Variants in DST observed in about 807,000 individuals in gnomAD.
The protein encoded by DST is dystonin.
In DST, 253 loss-of-function variants were observed where a neutral mutation model predicts 875.2. The ratio of observed to expected loss-of-function variants is 0.29; its 90% confidence interval spans 0.26 to 0.32. The LOEUF is 0.32. Ranked by LOEUF, DST falls within the 10% of genes least tolerant of loss-of-function variation. The pLI is 1.00. For synonymous variants in DST, 3,124 were observed against 3,197.1 expected, an observed-to-expected ratio of 0.98 and a Z score of 0.77; for missense variants, 8,287 against 9,111.6, an observed-to-expected ratio of 0.91 and a Z score of 3.68.
intron 10 of DST, among the ~76,000 whole-genome samples, chr6:56,668,712 G>A (rs1027461110): frequency 6.6e-6 from 1 of 152,026 alleles, no homozygotes; most frequent in Non-Finnish European, 1.5e-5. Flanking sequence ...AGGTTGCAGT[G>A]AGCTGAGATC....
chr6:56,895,129 C>T (rs1592191507), intron 3 of DST, among the ~76,000 whole-genome samples: 1 of 86,914 alleles, frequency 1.2e-5, no homozygotes, highest in East Asian at 3.3e-4. Flanking sequence ...CCTCACCTCC[C>T]GGACGGGGAG....
intron 84 of DST, 65 bp downstream of exon 84, chr6:56,492,869 T>TC: frequency 2.9e-6 from 3 of 1,041,480 alleles, no homozygotes; most frequent in Non-Finnish European, 3.9e-6. Context: ...AGACTCAGTC[T>TC]CAAAAAAAAA....
At chr6:56,643,921 A>G (rs1013609713) in intron 15 of DST, among the ~76,000 whole-genome samples, 1 of 152,250 alleles carries the variant, frequency 6.6e-6, no homozygotes, top group African/African-American at 2.4e-5. Flanking sequence ...TTTTAGATAC[A>G]TAACTCATCT....
chr6:56,580,638 G>C lies in DST; in HGVS notation c.12904-1701C>G, dbSNP rs560902979. Among the ~76,000 whole-genome samples the C allele has an allele frequency of 1.3e-3, 191 of 151,536 alleles. 2 individuals are homozygous for C. The South Asian group carries it at 0.018, about 14-fold the overall frequency. On this transcript the variant is annotated intron_variant, in intron 49 of 103. Transcript: ENST00000680361. ...AATGTTCTAGTAGACAGCACTGCTG[G>C]AGAGGGCAGGAACAAAGGACAAGAG... is the stretch of plus-strand genomic sequence containing the variant.
At chr6:56,816,117 A>C in intron 4 of DST, among the ~76,000 whole-genome samples, 1 of 152,164 alleles carries the variant, frequency 6.6e-6, no homozygotes, top group East Asian at 1.9e-4. Flanking sequence ...GGGTAGAAAA[A>C]TAAACACCCT....
chr6:56,615,791 T>G, intron 36 of DST: 1 of 1,614,206 alleles, frequency 6.2e-7, no homozygotes, highest in Non-Finnish European at 8.5e-7. Flanking sequence ...TGTCAAGTAC[T>G]GAAATTCCAA....
At chr6:56,511,854 C>T (rs532853741) in intron 72 of DST, among the ~76,000 whole-genome samples, 11 of 150,522 alleles carry the variant, frequency 7.3e-5, no homozygotes, top group Middle Eastern at 6.8e-3. Context: ...AGAGACAAGA[C>T]GGGGGGAAGG....
At position 56,471,249 on chromosome 6, in the gene DST, A is replaced by C; in HGVS notation, c.22178T>G (p.Phe7393Cys). Residue 7393 changes from phenylalanine (F) to cysteine (C), a missense_variant, in exon 95 of 104, where the codon TTT becomes TGT. Physicochemically the swap from Phe to Cys is radical, Grantham distance 205. This residue lies in a region of DST where 1,292 missense variants were observed against 1,552.7 expected (regional missense o/e 0.83). Coordinates refer to ENST00000680361, the MANE Select transcript of DST (RefSeq NM_001374736.1). ...TTTTTTGCGCCAGATATCAAAATCA[A>C]AGTTAGCAAATTCCCTCAGCTAAAA... is the stretch of plus-strand genomic sequence containing the variant. ...RLEELREFAN[F>C]DFDIWRKKYM... is the part of the protein sequence containing the mutation. The C allele has an allele frequency of 6.3e-7, 1 of 1,589,576 alleles. No individual in the cohort carries two copies. Among genetic ancestry groups the C allele is most frequent in the Non-Finnish European group, 8.6e-7 (1 of 1,166,688 alleles).
At chr6:56,739,021 T>C (rs2099536797) in intron 4 of DST, among the ~76,000 whole-genome samples, 1 of 151,270 alleles carries the variant, frequency 6.6e-6, no homozygotes, top group South Asian at 2.1e-4. Context: ...TATGAACCAA[T>C]AATATTATCC....
chr6:56,525,970 C>T (rs1480747021), intron 69 of DST, among the ~76,000 whole-genome samples: 2 of 152,180 alleles, frequency 1.3e-5, no homozygotes, highest in Non-Finnish European at 2.9e-5. Flanking sequence ...TGTAAATGAA[C>T]AGTTAATACT....
Position 56,640,129 on chromosome 6 carries a change from A to G in DST, c.2490+14T>C. On this transcript the variant is annotated intron_variant, in intron 18 of 103. Transcript: ENST00000680361. The stretch of plus-strand genomic sequence containing the variant: ...AAAGACTGAAACACTCAGGTAAAGT[A>G]AACATTTTTTTACCTGCATCTCATC... 6.2e-7 allele frequency: 1 copy of G among 1,613,624 alleles called. No individual in the cohort carries two copies. Among genetic ancestry groups the G allele is most frequent in the Non-Finnish European group, 8.5e-7 (1 of 1,179,570 alleles).
At chr6:56,492,099 A>G (rs1015302788) in intron 85 of DST, 128 bp downstream of exon 85, 1 of 865,718 alleles carries the variant, frequency 1.2e-6, no homozygotes, top group African/African-American at 1.7e-5. Context: ...GGAAAGAACC[A>G]CCATGGCACC....
intron 4 of DST, among the ~76,000 whole-genome samples, chr6:56,777,804 C>T (rs763746427): frequency 7.9e-5 from 12 of 151,810 alleles, no homozygotes; most frequent in Non-Finnish European, 1.5e-4. Flanking sequence ...CCCAAGCCAT[C>T]CTCCCACCTC....
chr6:56,642,524 A>C (rs1351738347), intron 15 of DST, 21 bp from the exon 16 acceptor site: 1 of 1,610,296 alleles, frequency 6.2e-7, no homozygotes, highest in East Asian at 2.2e-5. Flanking sequence ...AGACAAAATA[A>C]AATAAAGCTT....
At chr6:56,847,002 CAAAAAAA>C (rs569665465) in intron 4 of DST, among the ~76,000 whole-genome samples, 458 of 52,006 alleles carry the variant, frequency 8.8e-3, no homozygotes, top group African/African-American at 0.024. Context: ...GACCCTGTCT[CAAAAAAA>C]AAAAAAAAAA....
intron 34 of DST, among the ~76,000 whole-genome samples, chr6:56,626,021 G>C (rs1277340295): frequency 6.9e-6 from 1 of 145,852 alleles, no homozygotes; most frequent in Non-Finnish European, 1.5e-5. Context: ...AAAGCTTACA[G>C]AATAAAGTAT....
At position 56,462,938 on chromosome 6, in the gene DST, A is replaced by C. The variant is rs190983790; in HGVS notation, c.23070+108T>G. 2.5e-5 allele frequency: 15 copies of C among 593,968 alleles called. No individual in the cohort carries two copies. The African/African-American group carries it at 2.8e-4, about 11-fold the overall frequency. The allele number at this position is 593,968 out of a possible 1,614,324, so 36.8% of individuals were successfully genotyped here. A position where few individuals can be genotyped will look rare whatever the true frequency, so the allele number is the denominator to read the frequency against. On this transcript the variant is annotated intron_variant, in intron 102 of 103. Transcript: ENST00000680361. Reference sequence around the variant, plus strand: ...ATCTTATAGAAGTGTATAAAAAGACATAGGGTTAGCAAAGTACATATATTT... The same window carrying C: ...ATCTTATAGAAGTGTATAAAAAGACCTAGGGTTAGCAAAGTACATATATTT...
intron 2 of DST, among the ~76,000 whole-genome samples, chr6:56,931,904 A>C (rs1299800090): frequency 6.6e-6 from 1 of 152,218 alleles, no homozygotes; most frequent in Admixed American, 6.5e-5. Flanking sequence ...GCCTTGTCTC[A>C]GATGAGACTT....
At chr6:56,951,227 A>G (rs1208340773) in intron 2 of DST, among the ~76,000 whole-genome samples, 1 of 152,214 alleles carries the variant, frequency 6.6e-6, no homozygotes, top group Non-Finnish European at 1.5e-5. Context: ...AAGCTTTTTC[A>G]TGGTTCAAAG....
Sources: allele counts gnomAD v4.1 joint callset (sites outside exome capture counted in the v4.1 genomes callset), GRCh38; gene constraint gnomAD v4.1.1; regional missense constraint gnomAD v4.1.1; transcripts MANE v1.5; gene names NCBI Gene and HGNC (gene_info 2026-07-23, HGNC 2026-07-21).